SPPL2B: variants seen among roughly 807,000 people sequenced by gnomAD.
SPPL2B encodes signal peptide peptidase-like 2B.
SPPL2B carries 39 observed loss-of-function variants against 59.7 expected under a neutral mutation model. The ratio of observed to expected loss-of-function variants is 0.65; its 90% confidence interval spans 0.51 to 0.85. The LOEUF is 0.85. SPPL2B is among the 40% of genes least tolerant of loss of function. The pLI, the probability that SPPL2B is intolerant of heterozygous loss-of-function variation, is 0.00. For missense variants in SPPL2B, 865 were observed against 849.0 expected, an observed-to-expected ratio of 1.02 and a Z score of -0.23; for synonymous variants, 419 against 370.8, an observed-to-expected ratio of 1.13 and a Z score of -1.49.
Position 2,353,473 on chromosome 19 carries a change from T to G in SPPL2B, c.*264T>G. 1 of 269,836 alleles carries G rather than the reference T, an allele frequency of 3.7e-6. No individual in the cohort carries two copies. 16.7% of individuals were successfully genotyped at this position (269,836 alleles called of 1,614,324 possible). On this transcript the variant is annotated 3_prime_UTR_variant, in exon 15 of 15. Coordinates refer to ENST00000613503, the MANE Select transcript of SPPL2B (RefSeq NM_152988.3). ...TGCGGGTCCATCCTCCCCACCGGGGTCCGTCCTCGCAGGCCCTGCCCGGCC... is the reference window on the plus strand; with the variant it reads ...TGCGGGTCCATCCTCCCCACCGGGGGCCGTCCTCGCAGGCCCTGCCCGGCC...
intron 2 of SPPL2B, chr19:2,337,196 T>G: frequency 2.4e-6 from 1 of 412,142 alleles, no homozygotes; most frequent in Non-Finnish European, 4.3e-6. Context: ...GTGGCTCAGG[T>G]ATCAGGGGAC....
At chr19:2,351,112 C>T (rs1969901911) in intron 13 of SPPL2B, among the ~76,000 whole-genome samples, 1 of 152,204 alleles carries the variant, frequency 6.6e-6, no homozygotes, top group Admixed American at 6.5e-5. Context: ...TCGCAGCCCC[C>T]TCCGCTATCA....
rs773848403 is a variant in SPPL2B, at chr19:2,345,342, G to A, written c.1354+12G>A. 3.8e-5 allele frequency: 61 copies of A among 1,611,632 alleles called. No homozygotes were observed. The highest frequency in any genetic ancestry group is 4.8e-5 in the Non-Finnish European group (57 of 1,178,602). ...GGCCTGCACCATCGGTAAGTGCCTC[G>A]GTTGGGCCCGTGCTGGCCTCTCTGG... is the stretch of plus-strand genomic sequence containing the variant. On this transcript the variant is annotated intron_variant, in intron 13 of 14. Transcript: ENST00000613503.
rs983330444 is a variant in SPPL2B, at chr19:2,332,335, C to G, written c.67-2267C>G. Reference sequence around the variant, plus strand: ...ATGAGGGCCCGGCTGTTGGAGAGCCCGTCTGTGCCTGTGTGCTGGGGTTGG... The same window carrying G: ...ATGAGGGCCCGGCTGTTGGAGAGCCGGTCTGTGCCTGTGTGCTGGGGTTGG... On this transcript the variant is annotated intron_variant, in intron 1 of 14. Transcript: ENST00000613503. The surrounding 1 kb of genome is among the most constrained non-coding windows in gnomAD (Gnocchi z 4.6). Among the ~76,000 whole-genome samples the G allele has an allele frequency of 6.6e-6, 1 of 152,184 alleles. No individual in the cohort carries two copies. The highest frequency in any genetic ancestry group is 2.4e-5 in the African/African-American group (1 of 41,432).
At chr19:2,336,300 G>A (rs1258171153) in intron 2 of SPPL2B, among the ~76,000 whole-genome samples, 1 of 147,924 alleles carries the variant, frequency 6.8e-6, no homozygotes, top group African/African-American at 2.5e-5. Flanking sequence ...ATGTGTGCAG[G>A]TGTGTGTAAG....
At position 2,334,498 on chromosome 19, in the gene SPPL2B, G is replaced by A. The variant is rs117277217; in HGVS notation, c.67-104G>A. 2,309 of 1,446,720 alleles carry A rather than the reference G, an allele frequency of 1.6e-3. 32 individuals are homozygous for A. In the East Asian group the frequency reaches 0.032, roughly 20 times the overall value. 89.6% of individuals were successfully genotyped at this position (1,446,720 alleles called of 1,614,324 possible). A position where few individuals can be genotyped will look rare whatever the true frequency, so the allele number is the denominator to read the frequency against. On this transcript the variant is annotated intron_variant, in intron 1 of 14. Coordinates refer to ENST00000613503, the MANE Select transcript of SPPL2B (RefSeq NM_152988.3). ...CCCAGACCACCTGGTGAACATGGGC[G>A]CCCTTCCTGGAGGCGTCCTCCCCTC...
At chr19:2,347,168 C>G (rs900300215) in intron 13 of SPPL2B, among the ~76,000 whole-genome samples, 2 of 146,852 alleles carry the variant, frequency 1.4e-5, no homozygotes, top group African/African-American at 2.7e-5. Flanking sequence ...TCCGTTCTCT[C>G]TCCACACACA....
chr19:2,344,470 G>A (rs570113993), intron 11 of SPPL2B, 46 bp downstream of exon 11: 3 of 1,567,600 alleles, frequency 1.9e-6, no homozygotes, highest in African/African-American at 2.7e-5. Context: ...GGGTCAAGGT[G>A]TTGCGCGGAG....
chr19:2,329,486 C>T (rs565496947), intron 1 of SPPL2B, among the ~76,000 whole-genome samples: 10 of 152,290 alleles, frequency 6.6e-5, no homozygotes, highest in Non-Finnish European at 1.5e-4. Flanking sequence ...GGACAGTCTA[C>T]GAGATCGCAC....
In SPPL2B at chr19:2,353,236, G is replaced by A; in HGVS notation, c.*27G>A. Reference sequence around the variant, plus strand: ...GGAGGGGTGAGACGCTCGCTGCCGTGCCCGCCACACCAAGATGTTGGGGCT... The same window carrying A: ...GGAGGGGTGAGACGCTCGCTGCCGTACCCGCCACACCAAGATGTTGGGGCT... On this transcript the variant is annotated 3_prime_UTR_variant, in exon 15 of 15. Coordinates refer to ENST00000613503, the MANE Select transcript of SPPL2B (RefSeq NM_152988.3). The A allele has an allele frequency of 6.5e-7, 1 of 1,531,190 alleles. No homozygotes were observed. Among genetic ancestry groups the A allele is most frequent in the African/African-American group, 1.4e-5 (1 of 73,114 alleles). 94.9% of individuals were successfully genotyped at this position (1,531,190 alleles called of 1,614,324 possible).
chr19:2,333,407 C>T (rs1303794464), intron 1 of SPPL2B, among the ~76,000 whole-genome samples: 4 of 152,192 alleles, frequency 2.6e-5, no homozygotes, highest in Non-Finnish European at 4.4e-5. Flanking sequence ...TAGGCCAGAG[C>T]CCTGCAGTGT....
intron 13 of SPPL2B, among the ~76,000 whole-genome samples, chr19:2,347,120 T>TC (rs1182251057): frequency 6.6e-6 from 1 of 151,386 alleles, no homozygotes; most frequent in Non-Finnish European, 1.5e-5. Context: ...CCGTTCTCTC[T>TC]CCCTCCACAC....
chr19:2,329,110 C>T (rs1020380662), intron 1 of SPPL2B, among the ~76,000 whole-genome samples: 1 of 152,264 alleles, frequency 6.6e-6, no homozygotes, highest in African/African-American at 2.4e-5. Context: ...CTCTCCGGCT[C>T]TGTGGCCTTG....
intron 2 of SPPL2B, among the ~76,000 whole-genome samples, chr19:2,335,494 C>T (rs993996037): frequency 1.3e-5 from 2 of 149,176 alleles, no homozygotes; most frequent in Non-Finnish European, 3.0e-5. Context: ...CGCCTCCTTT[C>T]CCACTGCATC....
rs768990264 is a variant in SPPL2B, at chr19:2,338,799, C to T, written c.417C>T (p.Pro139=). 6.2e-6 allele frequency: 10 copies of T among 1,613,596 alleles called. No homozygotes were observed. Among genetic ancestry groups the T allele is most frequent in the South Asian group, 1.1e-5 (1 of 91,078 alleles). ...CGCAGTATGATGAGATTGGCATTCC[C>T]GTGGCCCTGCTCAGCTACAAAGACA... ...NKTQYDEIGI[P]VALLSYKDML... The change falls in exon 4 of 15, where the codon CCC becomes CCT. Residue 139 remains proline, a synonymous_variant. Transcript: ENST00000613503.
chr19:2,335,891 G>T (rs1367996866), intron 2 of SPPL2B, among the ~76,000 whole-genome samples: 1 of 152,266 alleles, frequency 6.6e-6, no homozygotes, highest in Non-Finnish European at 1.5e-5. Context: ...ATCAGTATGT[G>T]CCTGGACATG....
rs1421708727 is a variant in SPPL2B at position 2,332,084 on chromosome 19, G to C, written c.67-2518G>C. ...CTGGTGGGCAGAACTGGAAAGAAAG[G>C]GCTCCTGACTCTGCCTGGGCTCTGG... On this transcript the variant is annotated intron_variant, in intron 1 of 14. Coordinates refer to ENST00000613503, the MANE Select transcript of SPPL2B (RefSeq NM_152988.3). The surrounding 1 kb of genome is among the most constrained non-coding windows in gnomAD (Gnocchi z 4.6). Among the ~76,000 whole-genome samples, 1 of 152,234 alleles carries C rather than the reference G, an allele frequency of 6.6e-6. No homozygotes were observed. The highest frequency in any genetic ancestry group is 1.5e-5 in the Non-Finnish European group (1 of 68,040).
chr19:2,338,933 G>T (rs1968828269), intron 4 of SPPL2B, 92 bp downstream of exon 4: 4 of 1,509,084 alleles, frequency 2.7e-6, no homozygotes, highest in Non-Finnish European at 3.6e-6. Context: ...CTCAGTTGGT[G>T]GGATCAGGGT....
Position 2,353,330 on chromosome 19 carries a change from C to T in SPPL2B, c.*121C>T. 8.2e-7 allele frequency: 1 copy of T among 1,220,334 alleles called. No homozygotes were observed. Among genetic ancestry groups the T allele is most frequent in the South Asian group, 1.6e-5 (1 of 63,534 alleles). 75.6% of individuals were successfully genotyped at this position (1,220,334 alleles called of 1,614,324 possible). A position where few individuals can be genotyped will look rare whatever the true frequency, so the allele number is the denominator to read the frequency against. The stretch of plus-strand genomic sequence containing the variant: ...GGGACCGAGGCCTGTGCCGTCCCCA[C>T]CCGCCCCAACATGGTGCTCATCCTT... On this transcript the variant is annotated 3_prime_UTR_variant, in exon 15 of 15. Coordinates refer to ENST00000613503, the MANE Select transcript of SPPL2B (RefSeq NM_152988.3).
Sources: gnomAD v4.1 joint callset for allele counts (sites outside exome capture counted in the v4.1 genomes callset) on GRCh38, gnomAD v4.1.1 for gene constraint, Gnocchi (gnomAD v3.1) non-coding constraint, MANE v1.5 for transcripts, NCBI Gene and HGNC (gene_info 2026-07-23, HGNC 2026-07-21) for gene names.